HTT: variants seen among roughly 807,000 people sequenced by gnomAD.
HTT encodes huntingtin.
In HTT, 104 loss-of-function variants were observed where a neutral mutation model predicts 362.3. The observed-to-expected ratio is 0.29, with a 90% CI of 0.24 to 0.34. HTT has a LOEUF of 0.34. Ranked by LOEUF, HTT falls within the 10% of genes least tolerant of loss-of-function variation. The pLI is 1.00. For missense variants in HTT, 3,301 were observed against 3,928.6 expected (o/e 0.84, Z 4.27); for synonymous variants, 1,577 against 1,548.7 (o/e 1.02, Z -0.43).
chr4:3,091,328 C>T (rs1291121422), intron 2 of HTT, among the ~76,000 whole-genome samples: 1 of 152,072 alleles, frequency 6.6e-6, no homozygotes, highest in East Asian at 1.9e-4. Flanking sequence ...CATTATATCT[C>T]TACCTCATAT....
chr4:3,235,465 G>T, intron 62 of HTT, 67 bp downstream of exon 62: 3 of 1,504,962 alleles, frequency 2.0e-6, no homozygotes, highest in South Asian at 2.3e-5. Context: ...TTCCTTGCAG[G>T]ATCATACCAG....
At chr4:3,181,689 G>A (rs1718532773) in intron 36 of HTT, among the ~76,000 whole-genome samples, 1 of 152,040 alleles carries the variant, frequency 6.6e-6, no homozygotes, top group Non-Finnish European at 1.5e-5. Context: ...AATACTTAAT[G>A]CCTAATTAAA....
In HTT at chr4:3,212,587, C is replaced by T. The variant is rs1189524257; in HGVS notation, c.6652C>T (p.Leu2218=). ...LFGDAALYQS[L]PTLARALAQY... ...AGGGGATGCTGCACTGTATCAGTCC[C>T]TGCCCACTCTGGCCCGGGCCCTGGC... The change falls in exon 49 of 67, where the codon CTG becomes TTG. Residue 2218 remains leucine, a synonymous_variant. Coordinates refer to ENST00000355072, the MANE Select transcript of HTT (RefSeq NM_001388492.1). 1 of 1,614,264 alleles carries T rather than the reference C, an allele frequency of 6.2e-7. No homozygotes were observed. Among genetic ancestry groups the T allele is most frequent in the Non-Finnish European group, 8.5e-7 (1 of 1,180,044 alleles).
chr4:3,230,049 G>A lies in HTT; in HGVS notation c.8265+7G>A, dbSNP rs760989510. 1 of 1,613,208 alleles carries A rather than the reference G, an allele frequency of 6.2e-7. No individual in the cohort carries two copies. The highest frequency in any genetic ancestry group is 8.5e-7 in the Non-Finnish European group (1 of 1,179,208). ...AGCTGCCGTCCTTGGGATGGTAAGT[G>A]ACAGGTGGCACAGAGGTTTCTGTGC... On this transcript the variant is annotated splice_region_variant and intron_variant, in intron 60 of 66. Transcript: ENST00000355072.
chr4:3,209,529 A>G (rs1026364578), intron 46 of HTT, among the ~76,000 whole-genome samples: 1 of 152,240 alleles, frequency 6.6e-6, no homozygotes, highest in Non-Finnish European at 1.5e-5. Flanking sequence ...TAAAGCAGAC[A>G]ACCCAGGAGA....
intron 1 of HTT, among the ~76,000 whole-genome samples, chr4:3,080,126 C>T (rs535012189): frequency 6.6e-6 from 1 of 150,400 alleles, no homozygotes; most frequent in East Asian, 1.9e-4. Context: ...CGGAGTTTCG[C>T]TCTTGTCACC....
At position 3,173,015 on chromosome 4, in the gene HTT, G is replaced by A; in HGVS notation, c.4050G>A (p.Val1350=). ...CACAGCGCCTTGGCTCCTCCAGTGT[G>A]AGGCCAGGCTTGTACCACTACTGCT... is the stretch of plus-strand genomic sequence containing the variant. The part of the protein sequence containing the change: ...GRAQRLGSSS[V]RPGLYHYCFM... Residue 1350 remains valine, a synonymous_variant, in exon 31 of 67, where the codon GTG becomes GTA. Coordinates refer to ENST00000355072, the MANE Select transcript of HTT (RefSeq NM_001388492.1). 1 of 1,614,158 alleles carries A rather than the reference G, an allele frequency of 6.2e-7. No homozygotes were observed. Among genetic ancestry groups the A allele is most frequent in the Non-Finnish European group, 8.5e-7 (1 of 1,180,034 alleles).
intron 54 of HTT, among the ~76,000 whole-genome samples, 154 bp downstream of exon 54, chr4:3,222,641 A>C (rs1173416094): frequency 6.6e-6 from 1 of 152,228 alleles, no homozygotes; most frequent in Non-Finnish European, 1.5e-5. Flanking sequence ...CTGATATTCC[A>C]GAGCAGGGAC....
At chr4:3,151,356 GAGAGAGAGAGAC>G (rs1301085407) in intron 26 of HTT, among the ~76,000 whole-genome samples, 1 of 151,928 alleles carries the variant, frequency 6.6e-6, no homozygotes, top group Non-Finnish European at 1.5e-5. Context: ...GAGAAGGAGA[GAGAGAGAGAGAC>G]AGAGAGAGAG....
intron 33 of HTT, among the ~76,000 whole-genome samples, chr4:3,176,560 CAG>C (rs977963744): frequency 8.5e-5 from 13 of 152,166 alleles, no homozygotes; most frequent in African/African-American, 3.1e-4. Flanking sequence ...AGCAGGCTCT[CAG>C]GGGGGCACGG....
Position 3,103,940 on chromosome 4 carries a change from A to G in HTT, c.528+57A>G, listed in dbSNP as rs574830251. 1 of 1,028,006 alleles carries G rather than the reference A, an allele frequency of 9.7e-7. No homozygotes were observed. The highest frequency in any genetic ancestry group is 1.5e-6 in the Non-Finnish European group (1 of 660,422). 63.7% of individuals were successfully genotyped at this position (1,028,006 alleles called of 1,614,324 possible). ...TTAAATTTTAAATTTTTATAGGTAC[A>G]CGTATTTTGTAGGTACATGTAAATG... is the stretch of plus-strand genomic sequence containing the variant. On this transcript the variant is annotated intron_variant, in intron 4 of 66. Transcript: ENST00000355072.
chr4:3,081,631 T>C (rs1712913815), intron 1 of HTT, among the ~76,000 whole-genome samples: 1 of 145,772 alleles, frequency 6.9e-6, no homozygotes, highest in African/African-American at 2.5e-5. Context: ...CGATCTCGGC[T>C]CACTGCAACC....
Position 3,235,305 on chromosome 4 carries a change from G to C in HTT, c.8478G>C (p.Gln2826His), listed in dbSNP as rs749895401. Reference sequence around the variant, plus strand: ...TCAGCTGCGTGAACATTCACAGCCAGCAGCACGTACTGGTCATGTGTGCCA... The same window carrying C: ...TCAGCTGCGTGAACATTCACAGCCACCAGCACGTACTGGTCATGTGTGCCA... ...GIAHCVNIHS[Q>H]QHVLVMCATA... The change falls in exon 62 of 67, where the codon CAG becomes CAC. Residue 2826 changes from glutamine to histidine, a missense_variant. Transcript: ENST00000355072. 1 of 1,613,534 alleles carries C rather than the reference G, an allele frequency of 6.2e-7. No homozygotes were observed. Among genetic ancestry groups the C allele is most frequent in the Non-Finnish European group, 8.5e-7 (1 of 1,179,530 alleles).
chr4:3,124,459 A>C (rs1178809573), intron 10 of HTT, among the ~76,000 whole-genome samples: 1 of 152,130 alleles, frequency 6.6e-6, no homozygotes, highest in Non-Finnish European at 1.5e-5. Context: ...AAGACAGATG[A>C]AGGTAGAGTT....
intron 26 of HTT, among the ~76,000 whole-genome samples, chr4:3,149,192 C>T (rs1716755118): frequency 6.6e-6 from 1 of 151,986 alleles, no homozygotes; most frequent in African/African-American, 2.4e-5. Flanking sequence ...AATGTTCTGC[C>T]AATCTCAGGG....
At chr4:3,102,691 T>G (rs915034012) in intron 3 of HTT, among the ~76,000 whole-genome samples, 30 of 152,320 alleles carry the variant, frequency 2.0e-4, no homozygotes, top group African/African-American at 7.0e-4. Context: ...CGACTGATGT[T>G]TGGCACAGCT....
At chr4:3,143,467 A>G (rs113518287) in intron 23 of HTT, among the ~76,000 whole-genome samples, 8 of 151,656 alleles carry the variant, frequency 5.3e-5, no homozygotes, top group African/African-American at 1.9e-4. Context: ...AAAAGAAAAA[A>G]GTAAACTACT....
Position 3,233,181 on chromosome 4 carries a change from C to T in HTT, c.8284C>T (p.Pro2762Ser), listed in dbSNP as rs768926204. The T allele has an allele frequency of 1.7e-5, 27 of 1,589,290 alleles. No homozygotes were observed. The East Asian group carries it at 5.0e-4, about 29-fold the overall frequency. Residue 2762 changes from proline (P) to serine (S), a missense_variant, in exon 61 of 67, where the codon CCT (proline) becomes TCT (serine). Pro to Ser is a moderately conservative substitution (Grantham distance 74, BLOSUM62 -1). Coordinates refer to ENST00000355072, the MANE Select transcript of HTT (RefSeq NM_001388492.1). ...TGCCTAGGACAAGGCCGTGGCGGAG[C>T]CTGTCAGCCGCCTGCTGGAGAGCAC... The part of the protein sequence containing the change: ...VLGMDKAVAE[P>S]VSRLLESTLR...
chr4:3,214,123 A>G lies in HTT; in HGVS notation c.6940A>G (p.Ile2314Val). The G allele has an allele frequency of 2.0e-6, 3 of 1,518,668 alleles. No homozygotes were observed. The highest frequency in any genetic ancestry group is 2.7e-6 in the Non-Finnish European group (3 of 1,121,972). The allele number at this position is 1,518,668 out of a possible 1,614,324, so 94.1% of individuals were successfully genotyped here. A position where few individuals can be genotyped will look rare whatever the true frequency, so the allele number is the denominator to read the frequency against. The part of the protein sequence containing the change: ...ACSLIYCVHF[I>V]LEAVAVQPGE... ...CTCCCTCATCTACTGTGTGCACTTC[A>G]TCCTGGAGGCCGGTGAGTCCCCGTC... The change falls in exon 50 of 67, where the codon ATC becomes GTC. Residue 2314 changes from isoleucine (I) to valine (V), a missense_variant. Ile to Val is a conservative substitution (Grantham distance 29, BLOSUM62 3). This residue lies in a region of HTT where 220 missense variants were observed against 218.5 expected (regional missense o/e 1.01). Coordinates refer to ENST00000355072, the MANE Select transcript of HTT (RefSeq NM_001388492.1).
Sources: allele counts gnomAD v4.1 joint callset (sites outside exome capture counted in the v4.1 genomes callset), GRCh38; gene constraint gnomAD v4.1.1; regional missense constraint gnomAD v4.1.1; transcripts MANE v1.5; gene names NCBI Gene and HGNC (gene_info 2026-07-23, HGNC 2026-07-21).